The following AVL9 variants were observed in gnomAD, a reference collection of about 807,000 sequenced individuals.
AVL9 encodes late secretory pathway protein AVL9 homolog.
A neutral mutation model predicts 79.2 loss-of-function variants in AVL9; 49 were observed. The ratio of observed to expected loss-of-function variants is 0.62; its 90% CI spans 0.49 to 0.79. The LOEUF (loss-of-function observed/expected upper bound fraction) is 0.79, where lower values mean the gene tolerates loss of function less well. Among genes scored for constraint, AVL9 ranks in the 30% least tolerant of loss-of-function variants. The pLI is 0.00. For synonymous variants in AVL9, 299 were observed against 280.6 expected (o/e 1.07, Z -0.65); for missense variants, 682 against 776.8 (o/e 0.88, Z 1.45).
chr7:32,568,051 A>G (rs1182517105), intron 10 of AVL9, among the ~76,000 whole-genome samples: 4 of 146,634 alleles, frequency 2.7e-5, no homozygotes, highest in African/African-American at 1.0e-4. Context: ...TTTTTTCTAG[A>G]CACAGTGTCT....
chr7:32,569,351 C>G (rs1048691947), intron 10 of AVL9, among the ~76,000 whole-genome samples: 1 of 147,656 alleles, frequency 6.8e-6, no homozygotes, highest in Non-Finnish European at 1.5e-5. Flanking sequence ...CACTTGTACT[C>G]TCAGGAAGTA....
intron 10 of AVL9, chr7:32,562,730 G>T (rs7777624): frequency 0.012 from 5,197 of 426,466 alleles, 248 homozygotes; most frequent in African/African-American, 0.11. Flanking sequence ...AAACCAGCCT[G>T]TGCAACAAAG....
chr7:32,525,544 A>G (rs1283595754), intron 1 of AVL9, among the ~76,000 whole-genome samples: 1 of 152,206 alleles, frequency 6.6e-6, no homozygotes, highest in Non-Finnish European at 1.5e-5. Flanking sequence ...GTTTCAAAGG[A>G]AAAATGTAAT....
chr7:32,562,351 TTATAC>T (rs1048992687), intron 10 of AVL9, among the ~76,000 whole-genome samples: 8 of 152,212 alleles, frequency 5.3e-5, no homozygotes, highest in African/African-American at 1.9e-4. Context: ...AATACAAATA[TTATAC>T]ATATGTATTT....
chr7:32,570,247 A>T, intron 11 of AVL9, 93 bp downstream of exon 11: 2 of 1,478,212 alleles, frequency 1.4e-6, no homozygotes, highest in Non-Finnish European at 1.9e-6. Context: ...CAACATTAGT[A>T]ATGATAATAA....
intron 3 of AVL9, among the ~76,000 whole-genome samples, chr7:32,545,832 G>C (rs1298607240): frequency 1.3e-5 from 2 of 152,086 alleles, no homozygotes; most frequent in Non-Finnish European, 2.9e-5. Flanking sequence ...CTCTCAAAAG[G>C]TCATTAATAC....
In AVL9 at chr7:32,548,896, G is replaced by T; in HGVS notation, c.350G>T (p.Ser117Ile). The T allele has an allele frequency of 6.3e-7, 1 of 1,577,362 alleles. No homozygotes were observed. The highest frequency in any genetic ancestry group is 8.6e-7 in the Non-Finnish European group (1 of 1,162,906). The change falls in exon 4 of 16, where the codon AGT (serine) becomes ATT (isoleucine). Residue 117 changes from serine (S) to isoleucine (I), a missense_variant. Coordinates refer to ENST00000318709, the MANE Select transcript of AVL9 (RefSeq NM_015060.3). The part of the protein sequence containing the change: ...ADITRETVQK[S>I]VCVLSKLPLY... The stretch of plus-strand genomic sequence containing the variant: ...ATCACCAGAGAGACTGTTCAGAAAA[G>T]TGTCTGTGTTCTAAGCAAGCTGGTA...
At chr7:32,509,011 T>C (rs752318105) in intron 1 of AVL9, among the ~76,000 whole-genome samples, 20 of 152,212 alleles carry the variant, frequency 1.3e-4, no homozygotes, top group Non-Finnish European at 2.2e-4. Context: ...TTGATTGAGA[T>C]TGTATTGAAT....
intron 1 of AVL9, among the ~76,000 whole-genome samples, chr7:32,524,165 A>G (rs1289261865): frequency 6.6e-6 from 1 of 151,968 alleles, no homozygotes; most frequent in African/African-American, 2.4e-5. Flanking sequence ...GAAATTTGAG[A>G]TGTTTAAACA....
At chr7:32,528,146 A>G (rs776724971) in intron 1 of AVL9, among the ~76,000 whole-genome samples, 17 of 152,038 alleles carry the variant, frequency 1.1e-4, no homozygotes, top group African/African-American at 1.7e-4. Flanking sequence ...AACTGTTTAA[A>G]TCTACCTATG....
At chr7:32,579,695 T>G (rs1020148552) in intron 13 of AVL9, among the ~76,000 whole-genome samples, 1 of 136,314 alleles carries the variant, frequency 7.3e-6, no homozygotes, top group African/African-American at 2.8e-5. Flanking sequence ...ACAAAAATAA[T>G]GATAGTGCTG....
Position 32,496,167 on chromosome 7 carries a change from A to G in AVL9, c.93+365A>G, listed in dbSNP as rs773362401. 2.0e-5 allele frequency among the ~76,000 whole-genome samples: 3 copies of G among 152,214 alleles called. No individual in the cohort carries two copies. In the East Asian group the frequency reaches 5.8e-4, roughly 29 times the overall value. ...CTGGCTTTCTGGGTGTCCACCTATA[A>G]TGGGAGTCTAGAAAAATTCAGTGCT... On this transcript the variant is annotated intron_variant, in intron 1 of 15. Transcript: ENST00000318709.
chr7:32,579,512 T>TAATA (rs1562801995), intron 13 of AVL9, among the ~76,000 whole-genome samples: 1 of 4,018 alleles, frequency 2.5e-4, no homozygotes, highest in African/African-American at 1.2e-3. Context: ...ATATTATATA[T>TAATA]TATATTATAT....
chr7:32,577,150 T>C (rs1791139120), intron 13 of AVL9, among the ~76,000 whole-genome samples: 1 of 152,020 alleles, frequency 6.6e-6, no homozygotes, highest in Non-Finnish European at 1.5e-5. Flanking sequence ...TGGCTAATGA[T>C]GTGAAAACCC....
At chr7:32,571,157 T>C (rs951713684) in intron 11 of AVL9, among the ~76,000 whole-genome samples, 26 of 135,246 alleles carry the variant, frequency 1.9e-4, no homozygotes, top group African/African-American at 7.4e-4. Flanking sequence ...ACTTGAACCT[T>C]GGAGGTGGAG....
chr7:32,497,943 G>A (rs1786931453), intron 1 of AVL9, among the ~76,000 whole-genome samples: 1 of 152,060 alleles, frequency 6.6e-6, no homozygotes, highest in South Asian at 2.1e-4. Context: ...GAGCCACCAC[G>A]CCCAGTCATG....
chr7:32,506,788 A>G (rs1015903431), intron 1 of AVL9, among the ~76,000 whole-genome samples: 2 of 152,050 alleles, frequency 1.3e-5, no homozygotes, highest in Non-Finnish European at 2.9e-5. Context: ...CAGGGGGACT[A>G]TTGTAATGAA....
intron 2 of AVL9, among the ~76,000 whole-genome samples, chr7:32,543,996 C>G (rs1307335894): frequency 6.6e-6 from 1 of 151,714 alleles, no homozygotes; most frequent in Admixed American, 6.6e-5. Context: ...TGAGCTCAAG[C>G]AGTTCTCCTA....
chr7:32,583,011 A>G (rs945480482), intron 15 of AVL9, among the ~76,000 whole-genome samples: 5 of 152,214 alleles, frequency 3.3e-5, no homozygotes, highest in Non-Finnish European at 7.3e-5. Context: ...ATACTGTTCT[A>G]TAAAACACAA....
Sources: allele counts gnomAD v4.1 joint callset (sites outside exome capture counted in the v4.1 genomes callset), GRCh38; gene constraint gnomAD v4.1.1; transcripts MANE v1.5; gene names NCBI Gene and HGNC (gene_info 2026-07-23, HGNC 2026-07-21).